TENM2: variants seen among roughly 807,000 people sequenced by gnomAD.
TENM2 encodes teneurin transmembrane protein 2.
In TENM2, 52 loss-of-function variants were observed where a neutral mutation model predicts 245.2. The ratio of observed to expected loss-of-function variants is 0.21; its 90% confidence interval spans 0.17 to 0.27. The LOEUF (loss-of-function observed/expected upper bound fraction) is 0.27, where lower values mean the gene tolerates loss of function less well. Ranked by LOEUF, TENM2 falls within the 10% of genes least tolerant of loss-of-function variation. TENM2 has a pLI of 1.00. For synonymous variants in TENM2, 1,363 were observed against 1,438.9 expected, an observed-to-expected ratio of 0.95 and a Z score of 1.19; for missense variants, 3,046 against 3,666.8, an observed-to-expected ratio of 0.83 and a Z score of 4.37.
intron 2 of TENM2, among the ~76,000 whole-genome samples, chr5:167,691,936 T>C (rs1418779911): frequency 1.3e-5 from 2 of 152,154 alleles, no homozygotes; most frequent in Admixed American, 1.3e-4. Context: ...AGATCTGAAG[T>C]TGCCCGTGTG....
chr5:168,042,103 T>C (rs1266449779), intron 5 of TENM2, among the ~76,000 whole-genome samples: 3 of 152,144 alleles, frequency 2.0e-5, no homozygotes, highest in African/African-American at 7.2e-5. Context: ...GCCCTAACCC[T>C]TTCTGTCATC....
intron 9 of TENM2, among the ~76,000 whole-genome samples, chr5:168,103,774 A>T (rs913570154): frequency 6.6e-6 from 1 of 152,148 alleles, no homozygotes. Flanking sequence ...GGAAGCCTCG[A>T]TCCCATTGGT....
At chr5:168,125,382 G>A (rs1270603446) in intron 11 of TENM2, among the ~76,000 whole-genome samples, 1 of 152,120 alleles carries the variant, frequency 6.6e-6, no homozygotes, top group Non-Finnish European at 1.5e-5. Flanking sequence ...CAAACTAAAT[G>A]GAACATCCCA....
chr5:167,532,685 T>C (rs1229023906), intron 2 of TENM2, among the ~76,000 whole-genome samples: 1 of 151,732 alleles, frequency 6.6e-6, no homozygotes, highest in African/African-American at 2.4e-5. Flanking sequence ...CCGTATCTCC[T>C]ATATGTGTAT....
At chr5:167,730,557 C>T (rs1561715114) in intron 2 of TENM2, among the ~76,000 whole-genome samples, 1 of 152,102 alleles carries the variant, frequency 6.6e-6, no homozygotes, top group Non-Finnish European at 1.5e-5. Flanking sequence ...AGACACAGCT[C>T]TCCACTCTCC....
At chr5:167,496,202 G>C in intron 2 of TENM2, among the ~76,000 whole-genome samples, 1 of 152,002 alleles carries the variant, frequency 6.6e-6, no homozygotes, top group East Asian at 1.9e-4. Flanking sequence ...TGAATTATTC[G>C]CAAAATTTTC....
chr5:168,215,184 AGG>A lies in TENM2; in HGVS notation c.3992_3993del (p.Gly1331AspfsTer9). On this transcript the variant is annotated frameshift_variant, in exon 21 of 29. Transcript: ENST00000518659. LOFTEE classifies it high-confidence loss of function. ...TGGCTGGGAATTCGGAAGTTGTGGC[AGG>A]GACGGGAGAGCAGTGTCTACCCTTT... The A allele has an allele frequency of 6.2e-7, 1 of 1,613,928 alleles. No homozygotes were observed. The highest frequency in any genetic ancestry group is 8.5e-7 in the Non-Finnish European group (1 of 1,179,876).
At chr5:167,277,084 T>C in the TENM2 span, among the ~76,000 whole-genome samples, 2 of 152,142 alleles carry the variant, frequency 1.3e-5, no homozygotes, top group African/African-American at 4.8e-5. Flanking sequence ...TTTTTCTCTG[T>C]TGTTTTTCTG....
chr5:167,280,575 A>G (rs1770985176), upstream of TENM2, among the ~76,000 whole-genome samples: 1 of 152,012 alleles, frequency 6.6e-6, no homozygotes, highest in Non-Finnish European at 1.5e-5. Context: ...GTTGGTTTCC[A>G]TGGTGTGTGG....
At chr5:167,504,159 G>GA (rs1342978084) in intron 2 of TENM2, among the ~76,000 whole-genome samples, 1 of 152,106 alleles carries the variant, frequency 6.6e-6, no homozygotes, top group East Asian at 1.9e-4. Context: ...CTCGTCTAAT[G>GA]AAAATTGTTA....
At chr5:167,161,928 G>C in the TENM2 span, among the ~76,000 whole-genome samples, 1 of 152,070 alleles carries the variant, frequency 6.6e-6, no homozygotes. Flanking sequence ...CAGCACTTTG[G>C]GAGGCTGAGG....
chr5:167,008,369 C>T, the TENM2 span, among the ~76,000 whole-genome samples: 1 of 152,144 alleles, frequency 6.6e-6, no homozygotes, highest in Non-Finnish European at 1.5e-5. Flanking sequence ...AAAAAGGGGG[C>T]AGCAGTTCAT....
At chr5:167,410,019 T>G (rs574349181) in intron 2 of TENM2, among the ~76,000 whole-genome samples, 16 of 152,120 alleles carry the variant, frequency 1.1e-4, no homozygotes, top group Non-Finnish European at 1.6e-4. Context: ...TTTTAGGATT[T>G]CATTATGATG....
At chr5:167,988,455 C>T (rs1026623789) in intron 4 of TENM2, among the ~76,000 whole-genome samples, 8 of 152,034 alleles carry the variant, frequency 5.3e-5, no homozygotes, top group Non-Finnish European at 1.2e-4. Context: ...GAAAAATAGG[C>T]AGTTATGACA....
the TENM2 span, among the ~76,000 whole-genome samples, chr5:167,001,430 C>A: frequency 6.6e-6 from 1 of 151,792 alleles, no homozygotes; most frequent in South Asian, 2.1e-4. Flanking sequence ...TTTTACAGAT[C>A]AGTACTGACA....
At chr5:167,648,165 A>G (rs1043970622) in intron 2 of TENM2, among the ~76,000 whole-genome samples, 4 of 152,230 alleles carry the variant, frequency 2.6e-5, no homozygotes, top group Non-Finnish European at 4.4e-5. Flanking sequence ...CATCATGGGA[A>G]ATGACCCATT....
At chr5:167,893,999 C>A (rs1774971778) in intron 3 of TENM2, among the ~76,000 whole-genome samples, 1 of 152,078 alleles carries the variant, frequency 6.6e-6, no homozygotes, top group African/African-American at 2.4e-5. Context: ...ATAATGAGTC[C>A]TAGAAAAATA....
At chr5:167,404,822 A>G (rs1443044099) in intron 2 of TENM2, among the ~76,000 whole-genome samples, 1 of 152,190 alleles carries the variant, frequency 6.6e-6, no homozygotes, top group Non-Finnish European at 1.5e-5. Context: ...CACTTAAAAT[A>G]CAAAATTCAA....
chr5:167,999,067 T>A (rs1784254315), intron 5 of TENM2, among the ~76,000 whole-genome samples: 1 of 152,170 alleles, frequency 6.6e-6, no homozygotes, highest in Non-Finnish European at 1.5e-5. Context: ...CAGAAAATGA[T>A]GAGAATGGTA....
Sources: allele counts gnomAD v4.1 joint callset (sites outside exome capture counted in the v4.1 genomes callset), GRCh38; gene constraint gnomAD v4.1.1; transcripts MANE v1.5; gene names NCBI Gene and HGNC (gene_info 2026-07-23, HGNC 2026-07-21).